The following ZNF831 variants were observed in gnomAD, a reference collection of about 807,000 sequenced individuals.
The protein encoded by ZNF831 is chromosome 20 open reading frame 174.
A neutral mutation model predicts 95.8 loss-of-function variants in ZNF831; 59 were observed. The observed-to-expected ratio is 0.62, with a 90% CI of 0.50 to 0.77. The LOEUF (loss-of-function observed/expected upper bound fraction) is 0.77, where lower values mean the gene tolerates loss of function less well. Ranked by LOEUF, ZNF831 falls within the 30% of genes least tolerant of loss-of-function variation. The probability of loss-of-function intolerance (pLI) is 0.00; values close to 1 mark genes in which losing one functional copy is unlikely to be tolerated. For missense variants in ZNF831, 2,205 were observed against 2,164.0 expected, an observed-to-expected ratio of 1.02 and a Z score of -0.38; for synonymous variants, 961 against 925.5, an observed-to-expected ratio of 1.04 and a Z score of -0.70.
intron 3 of ZNF831, among the ~76,000 whole-genome samples, chr20:59,198,441 C>T (rs1984281597): frequency 6.6e-6 from 1 of 152,238 alleles, no homozygotes; most frequent in South Asian, 2.1e-4. Context: ...GAGCTGTGTT[C>T]CCTGCTGCGC....
At chr20:59,202,341 A>ATTTTT (rs1568766087) in intron 3 of ZNF831, among the ~76,000 whole-genome samples, 3 of 98,446 alleles carry the variant, frequency 3.0e-5, no homozygotes, top group African/African-American at 1.1e-4. Context: ...TTTTTTTTTA[A>ATTTTT]AAAAAAAAAC....
At chr20:59,247,024 G>A (rs191595510) in intron 4 of ZNF831, among the ~76,000 whole-genome samples, 5 of 152,028 alleles carry the variant, frequency 3.3e-5, no homozygotes, top group African/African-American at 4.8e-5. Flanking sequence ...CATTTTTTTC[G>A]TAAAGAGGCT....
intron 3 of ZNF831, among the ~76,000 whole-genome samples, chr20:59,201,314 G>C (rs187223847): frequency 1.3e-5 from 2 of 151,964 alleles, no homozygotes; most frequent in Non-Finnish European, 2.9e-5. Context: ...AATCTTTTGC[G>C]CATCAAAAAT....
Position 59,169,880 on chromosome 20 carries a change from A to G in ZNF831, c.-37+5673A>G, listed in dbSNP as rs1981584688. On this transcript the variant is annotated intron_variant, in intron 1 of 5. Coordinates refer to ENST00000371030, the MANE Select transcript of ZNF831 (RefSeq NM_178457.3). The surrounding 1 kb of genome is among the most constrained non-coding windows in gnomAD (Gnocchi z 4.1). ...ATGCCACTTCACTCTAGCCTGGGCA[A>G]TAGAGCAAGACTCTGTCTCAAAAAA... 6.6e-6 allele frequency among the ~76,000 whole-genome samples: 1 copy of G among 151,892 alleles called. No individual in the cohort carries two copies. The highest frequency in any genetic ancestry group is 1.5e-5 in the Non-Finnish European group (1 of 67,978).
intron 2 of ZNF831, among the ~76,000 whole-genome samples, chr20:59,147,883 C>T (rs978287828): frequency 3.9e-5 from 6 of 152,214 alleles, no homozygotes; most frequent in South Asian, 2.1e-4. Flanking sequence ...CATGATTGTA[C>T]GCATGAAGCC....
intron 2 of ZNF831, chr20:59,146,871 CA>C (rs1453614477): frequency 6.6e-6 from 1 of 152,100 alleles, no homozygotes; most frequent in Non-Finnish European, 1.5e-5. Context: ...TAGAAATCAA[CA>C]AAGTCTAAAA....
At chr20:59,243,200 T>C (rs1600679073) in intron 4 of ZNF831, among the ~76,000 whole-genome samples, 1 of 152,210 alleles carries the variant, frequency 6.6e-6, no homozygotes, top group Non-Finnish European at 1.5e-5. Flanking sequence ...TTTTAAGTGA[T>C]TGAAATATTT....
intron 1 of ZNF831, among the ~76,000 whole-genome samples, chr20:59,180,212 T>C (rs1396781810): frequency 2.0e-5 from 3 of 152,120 alleles, no homozygotes; most frequent in African/African-American, 7.2e-5. Context: ...CTCAACCTCC[T>C]GAGTAGCTGG....
intron 1 of ZNF831, among the ~76,000 whole-genome samples, chr20:59,129,344 G>T (rs895621537): frequency 6.6e-6 from 1 of 152,094 alleles, no homozygotes; most frequent in Non-Finnish European, 1.5e-5. Context: ...ACACAGAACT[G>T]GGCCTGGTGT....
chr20:59,202,756 A>C (rs2146626543), intron 3 of ZNF831, among the ~76,000 whole-genome samples: 1 of 152,302 alleles, frequency 6.6e-6, no homozygotes, highest in African/African-American at 2.4e-5. Flanking sequence ...GCTGCACCAG[A>C]GCATGAAAAT....
In ZNF831 at chr20:59,194,778, A is replaced by G. The variant is rs1983961962; in HGVS notation, c.3738+21A>G. ...CCAAGGTAAAGCTGGGCTTTGCCCC[A>G]GGGCCCGGGGTTGAGAGAGCATGTT... On this transcript the variant is annotated intron_variant, in intron 2 of 5. Transcript: ENST00000371030. 2.0e-5 allele frequency: 31 copies of G among 1,534,220 alleles called. No homozygotes were observed. The East Asian group carries it at 7.0e-4, about 35-fold the overall frequency.
intron 2 of ZNF831, among the ~76,000 whole-genome samples, chr20:59,195,422 G>A (rs1465593937): frequency 2.0e-5 from 3 of 152,206 alleles, no homozygotes; most frequent in African/African-American, 7.2e-5. Context: ...TTTAACCTTT[G>A]TGGACAGTGA....
intron 4 of ZNF831, among the ~76,000 whole-genome samples, chr20:59,234,176 A>G (rs1382602237): frequency 6.6e-6 from 1 of 152,180 alleles, no homozygotes; most frequent in Non-Finnish European, 1.5e-5. Flanking sequence ...CTTTCATGAG[A>G]GTTTCATTCC....
At chr20:59,209,051 A>G (rs1200716040) in intron 4 of ZNF831, among the ~76,000 whole-genome samples, 1 of 152,198 alleles carries the variant, frequency 6.6e-6, no homozygotes, top group Non-Finnish European at 1.5e-5. Flanking sequence ...GTGGTACAGG[A>G]CAAAGACAGA....
intron 1 of ZNF831, among the ~76,000 whole-genome samples, chr20:59,183,218 T>C (rs1461080958): frequency 6.6e-6 from 1 of 152,094 alleles, no homozygotes; most frequent in East Asian, 1.9e-4. Context: ...TGTCCCTGAG[T>C]AGAGGGACAA....
At chr20:59,158,815 A>G (rs1322523308) in intron 2 of ZNF831, among the ~76,000 whole-genome samples, 1 of 152,148 alleles carries the variant, frequency 6.6e-6, no homozygotes, top group African/African-American at 2.4e-5. Context: ...TTAGCACAGA[A>G]ATTCCCACAT....
At position 59,258,374 on chromosome 20, in the gene ZNF831, A is replaced by G. The variant is rs1988274707; in HGVS notation, c.*3631A>G. 1 of 152,664 alleles carries G rather than the reference A, an allele frequency of 6.6e-6. No homozygotes were observed. The allele number at this position is 152,664 out of a possible 1,614,324, so 9.5% of individuals were successfully genotyped here. On this transcript the variant is annotated 3_prime_UTR_variant, in exon 6 of 6. Transcript: ENST00000371030. Reference sequence around the variant, plus strand: ...GATAAACAATTTGCAGTCTCATGCCAAAAAGTATTTCCTTGCATTTACATT... The same window carrying G: ...GATAAACAATTTGCAGTCTCATGCCGAAAAGTATTTCCTTGCATTTACATT...
Position 59,193,876 on chromosome 20 carries a change from C to A in ZNF831, c.2857C>A (p.Pro953Thr), listed in dbSNP as rs747353636. The A allele has an allele frequency of 6.2e-7, 1 of 1,611,030 alleles. No individual in the cohort carries two copies. The highest frequency in any genetic ancestry group is 1.1e-5 in the South Asian group (1 of 90,600). Residue 953 changes from proline (P) to threonine (T), a missense_variant, in exon 2 of 6, where the codon CCA (proline) becomes ACA (threonine). Physicochemically the swap from Pro to Thr is conservative, Grantham distance 38. Coordinates refer to ENST00000371030, the MANE Select transcript of ZNF831 (RefSeq NM_178457.3). ...LRLPQAETPLPLPIPWGPRHS... is the reference protein window; with the variant it reads ...LRLPQAETPLTLPIPWGPRHS... ...GTTACCTCAGGCAGAGACCCCCTTACCACTGCCCATTCCCTGGGGACCAAG... is the reference window on the plus strand; with the variant it reads ...GTTACCTCAGGCAGAGACCCCCTTAACACTGCCCATTCCCTGGGGACCAAG...
At chr20:59,180,163 C>A (rs1261483550) in intron 1 of ZNF831, among the ~76,000 whole-genome samples, 1 of 152,106 alleles carries the variant, frequency 6.6e-6, no homozygotes, top group Non-Finnish European at 1.5e-5. Flanking sequence ...TCCTAGCTCA[C>A]CGTAGCCTCA....
Sources: allele counts gnomAD v4.1 joint callset (sites outside exome capture counted in the v4.1 genomes callset), GRCh38; gene constraint gnomAD v4.1.1; non-coding constraint Gnocchi (gnomAD v3.1); transcripts MANE v1.5; gene names NCBI Gene and HGNC (gene_info 2026-07-23, HGNC 2026-07-21).